CDH12: variants seen among roughly 807,000 people sequenced by gnomAD.
The protein encoded by CDH12 is cadherin-12.
CDH12 carries 41 observed loss-of-function variants against 74.1 expected under a neutral mutation model. That is an observed-to-expected ratio of 0.55 (90% CI 0.43 to 0.72). The LOEUF is 0.72. Ranked by LOEUF, CDH12 falls within the 30% of genes least tolerant of loss-of-function variation. The probability of loss-of-function intolerance (pLI) is 0.00; values close to 1 mark genes in which losing one functional copy is unlikely to be tolerated. For missense variants in CDH12, 945 were observed against 977.2 expected (o/e 0.97, Z 0.44); for synonymous variants, 399 against 355.0 (o/e 1.12, Z -1.39).
At chr5:22,326,408 T>C (rs1424965425) in intron 3 of CDH12, among the ~76,000 whole-genome samples, 2 of 152,144 alleles carry the variant, frequency 1.3e-5, no homozygotes, top group Non-Finnish European at 2.9e-5. Context: ...GCTAGTTTTT[T>C]GTATTTTTAG....
At chr5:22,344,311 GA>G (rs908489977) in intron 3 of CDH12, among the ~76,000 whole-genome samples, 6 of 151,952 alleles carry the variant, frequency 3.9e-5, no homozygotes, top group Admixed American at 1.3e-4. Flanking sequence ...ATATACTTTA[GA>G]AAAAAAGATA....
chr5:21,760,197 C>T (rs910551284), intron 13 of CDH12, among the ~76,000 whole-genome samples: 32 of 152,016 alleles, frequency 2.1e-4, no homozygotes, highest in African/African-American at 4.8e-4. Context: ...CTGTGCTGTA[C>T]GGTGTGTTAT....
chr5:21,884,019 A>G, intron 6 of CDH12: 1 of 1,484,048 alleles, frequency 6.7e-7, no homozygotes, highest in South Asian at 1.1e-5. Flanking sequence ...AATTCCAGCA[A>G]TGACCACTGC....
intron 8 of CDH12, among the ~76,000 whole-genome samples, chr5:21,835,930 CCTT>C (rs1749505831): frequency 6.6e-6 from 1 of 151,748 alleles, no homozygotes; most frequent in African/African-American, 2.4e-5. Flanking sequence ...ATCTTGTAGT[CCTT>C]CTATGTCATA....
intron 3 of CDH12, among the ~76,000 whole-genome samples, chr5:22,318,451 G>C (rs1473165770): frequency 6.6e-6 from 1 of 152,196 alleles, no homozygotes. Flanking sequence ...TTTCCCTCAT[G>C]TGAAATGTGC....
chr5:22,795,933 C>T (rs903028988), intron 1 of CDH12, among the ~76,000 whole-genome samples: 12 of 152,054 alleles, frequency 7.9e-5, no homozygotes, highest in Admixed American at 6.5e-5. Flanking sequence ...ATAAGGATAA[C>T]ATATAAGTGT....
rs185522876 is a variant in CDH12, at chr5:21,883,486, C to A, written c.527-28696G>T. The A allele has an allele frequency of 6.2e-3, 9,975 of 1,611,964 alleles. 174 individuals are homozygous for A. The highest frequency in any genetic ancestry group is 0.061 in the African/African-American group (4,582 of 74,778). The stretch of plus-strand genomic sequence containing the variant: ...CTAAAGGTTGGTCTTCAGGTTGTGG[C>A]AGTCAAGGCTCCAGGGTTTGGTGAC... On this transcript the variant is annotated intron_variant, in intron 6 of 14. Transcript: ENST00000382254.
intron 3 of CDH12, among the ~76,000 whole-genome samples, chr5:22,318,636 C>T (rs1269314531): frequency 6.6e-6 from 1 of 152,188 alleles, no homozygotes; most frequent in Non-Finnish European, 1.5e-5. Flanking sequence ...AAGCCATTGC[C>T]TTCTCAGCCC....
intron 7 of CDH12, among the ~76,000 whole-genome samples, chr5:21,854,016 A>T (rs1427043410): frequency 6.6e-6 from 1 of 151,732 alleles, no homozygotes; most frequent in Non-Finnish European, 1.5e-5. Context: ...TTGATTGTTT[A>T]GAAATAGAGT....
chr5:22,103,019 C>T (rs1744237790), intron 4 of CDH12, among the ~76,000 whole-genome samples: 1 of 152,152 alleles, frequency 6.6e-6, no homozygotes, highest in Non-Finnish European at 1.5e-5. Context: ...GCAGTAATAT[C>T]CCCAGTGTGG....
intron 6 of CDH12, among the ~76,000 whole-genome samples, chr5:21,964,760 T>C (rs1313573432): frequency 6.6e-6 from 1 of 152,018 alleles, no homozygotes; most frequent in Non-Finnish European, 1.5e-5. Context: ...ATTTATGCAT[T>C]ATATTTAAGC....
At chr5:22,300,851 A>G (rs576684491) in intron 3 of CDH12, among the ~76,000 whole-genome samples, 24 of 152,316 alleles carry the variant, frequency 1.6e-4, no homozygotes, top group East Asian at 9.6e-4. Context: ...TAACTTTATC[A>G]GATTTCTCTC....
At chr5:22,608,884 A>G (rs529924705) in intron 1 of CDH12, among the ~76,000 whole-genome samples, 1 of 152,258 alleles carries the variant, frequency 6.6e-6, no homozygotes, top group South Asian at 2.1e-4. Context: ...ACTGTGAGTC[A>G]ATTAAATCTC....
At chr5:22,288,311 T>G (rs1429012284) in intron 3 of CDH12, among the ~76,000 whole-genome samples, 1 of 152,198 alleles carries the variant, frequency 6.6e-6, no homozygotes, top group Non-Finnish European at 1.5e-5. Flanking sequence ...CCAATTTATG[T>G]AATTTATATT....
In CDH12 at chr5:22,680,605, C is replaced by T. The variant is rs143787337; in HGVS notation, c.-523+172453G>A. Among the ~76,000 whole-genome samples, 59 of 152,078 alleles carry T rather than the reference C, an allele frequency of 3.9e-4. No homozygotes were observed. In the East Asian group the frequency reaches 7.9e-3, roughly 20 times the overall value. The stretch of plus-strand genomic sequence containing the variant: ...ACTCTGTTTCCTGCTCTGTAATAAC[C>T]GTAGCTGAACCAGGTTATAGTGTGA... On this transcript the variant is annotated intron_variant, in intron 1 of 14. Transcript: ENST00000382254.
chr5:22,779,228 C>T (rs760760142), intron 1 of CDH12, among the ~76,000 whole-genome samples: 9 of 152,042 alleles, frequency 5.9e-5, no homozygotes, highest in Non-Finnish European at 1.0e-4. Flanking sequence ...TTGAGAAACA[C>T]GAAGCGAAAA....
At chr5:22,604,753 G>C (rs1219640834) in intron 1 of CDH12, among the ~76,000 whole-genome samples, 1 of 152,192 alleles carries the variant, frequency 6.6e-6, no homozygotes, top group African/African-American at 2.4e-5. Flanking sequence ...GCACTGTTGT[G>C]CTCACCCACC....
chr5:22,839,240 A>G (rs1459737136), intron 1 of CDH12, among the ~76,000 whole-genome samples: 2 of 152,076 alleles, frequency 1.3e-5, no homozygotes, highest in Non-Finnish European at 2.9e-5. Context: ...TTTACAATTT[A>G]TTTAAATGGA....
At chr5:22,420,960 G>T (rs937527936) in intron 2 of CDH12, among the ~76,000 whole-genome samples, 1 of 152,126 alleles carries the variant, frequency 6.6e-6, no homozygotes, top group Non-Finnish European at 1.5e-5. Flanking sequence ...AATTGTGAAT[G>T]AGAGTTCATT....
Sources: gnomAD v4.1 joint callset for allele counts (sites outside exome capture counted in the v4.1 genomes callset) on GRCh38, gnomAD v4.1.1 for gene constraint, MANE v1.5 for transcripts, NCBI Gene and HGNC (gene_info 2026-07-23, HGNC 2026-07-21) for gene names.